Variants in UTS2 observed in about 807,000 individuals in gnomAD.
UTS2 encodes urotensin-2.
Under a neutral mutation model 12.6 loss-of-function variants are expected in UTS2, and 10 were observed. The ratio of observed to expected loss-of-function variants is 0.80; its 90% confidence interval spans 0.49 to 1.35. UTS2 has a LOEUF of 1.35. Among genes scored for constraint, UTS2 ranks in the 40% most tolerant of loss-of-function variants. The pLI is 0.00. For synonymous variants in UTS2, 52 were observed against 50.0 expected (o/e 1.04, Z -0.17); for missense variants, 142 against 143.2 (o/e 0.99, Z 0.04).
At position 7,850,847 on chromosome 1, in the gene UTS2, A is replaced by G; in HGVS notation, c.179T>C (p.Leu60Pro). 1 of 1,614,206 alleles carries G rather than the reference A, an allele frequency of 6.2e-7. No individual in the cohort carries two copies. The highest frequency in any genetic ancestry group is 8.5e-7 in the Non-Finnish European group (1 of 1,180,032). The change falls in exon 2 of 4, where the codon CTG becomes CCG. Residue 60 changes from leucine (L) to proline (P), a missense_variant. Transcript: ENST00000361696. Reference protein sequence around the residue: ...ASLLQILPEMLGAERGDILRK... With the variant: ...ASLLQILPEMPGAERGDILRK... ...GAGAATATCCCCTCTTTCTGCACCCAGCATCTCTGGCAGTATCTGTAGAAG... is the reference window on the plus strand; with the variant it reads ...GAGAATATCCCCTCTTTCTGCACCCGGCATCTCTGGCAGTATCTGTAGAAG...
chr1:7,902,626 T>G, the UTS2 span, among the ~76,000 whole-genome samples: 1 of 152,152 alleles, frequency 6.6e-6, no homozygotes. Flanking sequence ...GGGGTCTCGC[T>G]ATGTTGGCCA....
the UTS2 span, among the ~76,000 whole-genome samples, chr1:7,909,868 C>T: frequency 2.0e-5 from 3 of 152,052 alleles, 1 homozygote; most frequent in Non-Finnish European, 4.4e-5. Flanking sequence ...GTGATCTGCC[C>T]GCCTTGACCT....
At chr1:7,891,944 T>C in the UTS2 span, among the ~76,000 whole-genome samples, 1 of 152,306 alleles carries the variant, frequency 6.6e-6, no homozygotes, top group African/African-American at 2.4e-5. Flanking sequence ...GGGATGGCTC[T>C]GCCTGTGGTC....
chr1:7,899,363 A>G, the UTS2 span, among the ~76,000 whole-genome samples: 3 of 152,238 alleles, frequency 2.0e-5, no homozygotes, highest in Admixed American at 6.5e-5. Context: ...GTTTCAGCTC[A>G]TAAGTAAAAC....
chr1:7,882,203 A>G, the UTS2 span, among the ~76,000 whole-genome samples: 23 of 152,198 alleles, frequency 1.5e-4, no homozygotes, highest in East Asian at 4.2e-3. Flanking sequence ...AGTGTGGTGG[A>G]TAGTGCCTGT....
chr1:7,882,358 G>A, the UTS2 span, among the ~76,000 whole-genome samples: 1 of 151,962 alleles, frequency 6.6e-6, no homozygotes, highest in Non-Finnish European at 1.5e-5. Flanking sequence ...AAATAGTGCT[G>A]GAGGAACTGA....
rs1324731518 is a variant in UTS2 at position 7,849,639 on chromosome 1, C to T, written c.258+1G>A. The T allele has an allele frequency of 6.2e-7, 1 of 1,608,860 alleles. No individual in the cohort carries two copies. The highest frequency in any genetic ancestry group is 2.2e-5 in the East Asian group (1 of 44,628). ...CCTAACTCATAAATAGAGTCACTTA[C>T]CTTTCTCAAATTTCCTCTTGGGTTA... On this transcript the variant is annotated splice_donor_variant, in intron 3 of 3. Transcript: ENST00000361696. LOFTEE classifies it high-confidence loss of function.
At chr1:7,895,267 G>A in the UTS2 span, among the ~76,000 whole-genome samples, 3 of 152,070 alleles carry the variant, frequency 2.0e-5, no homozygotes, top group South Asian at 6.2e-4. Context: ...TACTCAGGAG[G>A]CTGAGGCAGG....
chr1:7,912,375 C>T, the UTS2 span, among the ~76,000 whole-genome samples: 2 of 152,234 alleles, frequency 1.3e-5, no homozygotes, highest in African/African-American at 4.8e-5. Flanking sequence ...CAAAACTAAG[C>T]AAGTTTCAGT....
chr1:7,855,354 C>T (rs896926349), upstream of UTS2, among the ~76,000 whole-genome samples: 6 of 151,800 alleles, frequency 4.0e-5, no homozygotes, highest in African/African-American at 1.4e-4. Flanking sequence ...GAGGCTGAGG[C>T]GGGCAGATCA....
At chr1:7,905,290 CAT>C in the UTS2 span, among the ~76,000 whole-genome samples, 2 of 151,866 alleles carry the variant, frequency 1.3e-5, no homozygotes, top group South Asian at 4.2e-4. Flanking sequence ...GGATTACAGG[CAT>C]ATGTCACCAC....
chr1:7,859,638 G>A, the UTS2 span, among the ~76,000 whole-genome samples: 1 of 152,242 alleles, frequency 6.6e-6, no homozygotes, highest in East Asian at 1.9e-4. Context: ...GACACAGCCA[G>A]ATAAAACCAG....
At chr1:7,879,213 A>C in the UTS2 span, among the ~76,000 whole-genome samples, 2 of 152,200 alleles carry the variant, frequency 1.3e-5, no homozygotes, top group Admixed American at 1.3e-4. Flanking sequence ...ATACACACTC[A>C]TTTCATCAGC....
the UTS2 span, among the ~76,000 whole-genome samples, chr1:7,862,177 G>A: frequency 2.7e-5 from 4 of 150,482 alleles, no homozygotes; most frequent in Non-Finnish European, 1.5e-5. Context: ...CCGCAACTTC[G>A]GCCTCCCAAA....
At chr1:7,853,892 T>C (rs897294516), upstream of UTS2, among the ~76,000 whole-genome samples, 2 of 152,176 alleles carry the variant, frequency 1.3e-5, no homozygotes, top group Non-Finnish European at 2.9e-5. Flanking sequence ...AGTCAGATCA[T>C]GGTAGTTCTT....
At chr1:7,897,564 T>C in the UTS2 span, among the ~76,000 whole-genome samples, 34 of 152,200 alleles carry the variant, frequency 2.2e-4, no homozygotes, top group African/African-American at 7.5e-4. Context: ...TTAGGTCTTC[T>C]TTAATGTCTT....
At chr1:7,883,567 A>T in the UTS2 span, among the ~76,000 whole-genome samples, 6 of 152,234 alleles carry the variant, frequency 3.9e-5, no homozygotes, top group Non-Finnish European at 8.8e-5. Context: ...GAGAAATGGT[A>T]ACTTTTCAAA....
the UTS2 span, among the ~76,000 whole-genome samples, chr1:7,908,649 T>C: frequency 1.9e-4 from 29 of 151,968 alleles, no homozygotes; most frequent in Non-Finnish European, 4.3e-4. Flanking sequence ...TTGATTGGTA[T>C]GTAAATTGGC....
At chr1:7,856,476 G>A (rs1638310719), upstream of UTS2, among the ~76,000 whole-genome samples, 1 of 152,190 alleles carries the variant, frequency 6.6e-6, no homozygotes, top group African/African-American at 2.4e-5. Context: ...GTTCAGTGGT[G>A]AGTGGAGTGT....
Sources: gnomAD v4.1 joint callset for allele counts (sites outside exome capture counted in the v4.1 genomes callset) on GRCh38, gnomAD v4.1.1 for gene constraint, MANE v1.5 for transcripts, NCBI Gene and HGNC (gene_info 2026-07-23, HGNC 2026-07-21) for gene names.